MAPKAPK5: variants seen among roughly 807,000 people sequenced by gnomAD.
The protein encoded by MAPKAPK5 is MAPK activated protein kinase 5, also known as MAP kinase-activated protein kinase 5.
Under a neutral mutation model 65.1 loss-of-function variants are expected in MAPKAPK5, and 30 were observed. The observed-to-expected ratio is 0.46, with a 90% CI of 0.34 to 0.63. The LOEUF (loss-of-function observed/expected upper bound fraction) is 0.63. MAPKAPK5 is among the 20% of genes least tolerant of loss of function. The pLI is 0.01. For synonymous variants in MAPKAPK5, 179 were observed against 204.6 expected (o/e 0.87, Z 1.07); for missense variants, 433 against 581.4 (o/e 0.74, Z 2.63).
intron 7 of MAPKAPK5, among the ~76,000 whole-genome samples, chr12:111,872,356 G>C (rs1279958304): frequency 6.6e-6 from 1 of 152,116 alleles, no homozygotes; most frequent in Admixed American, 6.5e-5. Context: ...TCACGACATT[G>C]TCCTGATGGC....
chr12:111,897,628 A>G lies in MAPKAPK5; in HGVS notation c.*4567A>G, dbSNP rs1375691078. On this transcript the variant is annotated 3_prime_UTR_variant, in exon 14 of 14. Coordinates refer to ENST00000550735, the MANE Select transcript of MAPKAPK5 (RefSeq NM_003668.4). ...AAGCTTTGCGCTTACATAAATCACA[A>G]GAAATACAGCTGGAAATCATTTCAC... 2.6e-5 allele frequency: 4 copies of G among 152,240 alleles called. No individual in the cohort carries two copies. Among genetic ancestry groups the G allele is most frequent in the Non-Finnish European group, 5.9e-5 (4 of 68,038 alleles). 9.4% of individuals were successfully genotyped at this position (152,240 alleles called of 1,614,324 possible). A position where few individuals can be genotyped will look rare whatever the true frequency, so the allele number is the denominator to read the frequency against.
intron 3 of MAPKAPK5, among the ~76,000 whole-genome samples, chr12:111,867,107 A>G (rs1350180216): frequency 6.6e-6 from 1 of 150,950 alleles, no homozygotes; most frequent in Non-Finnish European, 1.5e-5. Context: ...TTTTGTTTGT[A>G]TTTTTTGTAG....
chr12:111,844,517 G>A (rs1167582363), intron 1 of MAPKAPK5, among the ~76,000 whole-genome samples: 1 of 152,198 alleles, frequency 6.6e-6, no homozygotes, highest in Non-Finnish European at 1.5e-5. Context: ...TGGCACAGAG[G>A]CATGATATGC....
At chr12:111,881,427 C>CA (rs1439401228) in intron 8 of MAPKAPK5, among the ~76,000 whole-genome samples, 10 of 90,686 alleles carry the variant, frequency 1.1e-4, no homozygotes. Flanking sequence ...TTTTTTGAGA[C>CA]AGAGTCTTAC....
Position 111,858,958 on chromosome 12 carries a change from A to G in MAPKAPK5, c.37-6292A>G, listed in dbSNP as rs962126726. Among the ~76,000 whole-genome samples, 4 of 144,150 alleles carry G rather than the reference A, an allele frequency of 2.8e-5. 1 individual carries two copies. Among genetic ancestry groups the G allele is most frequent in the Non-Finnish European group, 6.1e-5 (4 of 65,950 alleles). 94.6% of individuals were successfully genotyped at this position (144,150 alleles called of 152,430 possible). On this transcript the variant is annotated intron_variant, in intron 1 of 13. Coordinates refer to ENST00000550735, the MANE Select transcript of MAPKAPK5 (RefSeq NM_003668.4). Reference sequence around the variant, plus strand: ...CGGCTGAAAATCTCTATTTATCATTATTTTTTACTTCGTCATCAGTTTTCT... The same window carrying G: ...CGGCTGAAAATCTCTATTTATCATTGTTTTTTACTTCGTCATCAGTTTTCT...
chr12:111,844,609 G>T (rs865893872), intron 1 of MAPKAPK5, among the ~76,000 whole-genome samples: 1 of 152,224 alleles, frequency 6.6e-6, no homozygotes. Flanking sequence ...GCCAGATGGT[G>T]TCCTAGACAC....
chr12:111,893,156 T>G lies in MAPKAPK5; in HGVS notation c.*95T>G. The G allele has an allele frequency of 1.1e-6, 1 of 878,338 alleles. No individual in the cohort carries two copies. 54.4% of individuals were successfully genotyped at this position (878,338 alleles called of 1,614,324 possible). On this transcript the variant is annotated 3_prime_UTR_variant, in exon 14 of 14. Coordinates refer to ENST00000550735, the MANE Select transcript of MAPKAPK5 (RefSeq NM_003668.4). Reference sequence around the variant, plus strand: ...TAAATTAATAAATCATAATTTCATTTCCACATTGATTAAAGCTGCTGTATA... The same window carrying G: ...TAAATTAATAAATCATAATTTCATTGCCACATTGATTAAAGCTGCTGTATA...
chr12:111,888,333 A>C, intron 10 of MAPKAPK5, 155 bp from the exon 11 acceptor site: 1 of 1,029,118 alleles, frequency 9.7e-7, no homozygotes. Context: ...TCCATGGGGA[A>C]AAGTCCTTTG....
At chr12:111,861,113 C>T (rs1050163870) in intron 1 of MAPKAPK5, among the ~76,000 whole-genome samples, 11 of 151,206 alleles carry the variant, frequency 7.3e-5, no homozygotes, top group Middle Eastern at 6.8e-3. Flanking sequence ...GCCGAGATCG[C>T]GCCACTGCAC....
chr12:111,900,750 TC>T lies in MAPKAPK5; in HGVS notation c.*7691del, dbSNP rs2071016865. On this transcript the variant is annotated 3_prime_UTR_variant, in exon 14 of 14. Coordinates refer to ENST00000550735, the MANE Select transcript of MAPKAPK5 (RefSeq NM_003668.4). ...ATATCCTTGCTGTCCTTCTAGTCGT[TC>T]CTGTGATCTCCCAGAATTTTGCAAT... The T allele has an allele frequency of 2.2e-6, 1 of 456,006 alleles. No homozygotes were observed. Among genetic ancestry groups the T allele is most frequent in the Non-Finnish European group, 4.4e-6 (1 of 226,808 alleles). The allele number at this position is 456,006 out of a possible 1,614,324, so 28.2% of individuals were successfully genotyped here. A position where few individuals can be genotyped will look rare whatever the true frequency, so the allele number is the denominator to read the frequency against.
At chr12:111,884,334 G>C (rs998570525) in intron 9 of MAPKAPK5, among the ~76,000 whole-genome samples, 1 of 152,118 alleles carries the variant, frequency 6.6e-6, no homozygotes, top group East Asian at 1.9e-4. Context: ...CCTCAGCCTC[G>C]GCAGTAGCTG....
intron 1 of MAPKAPK5, among the ~76,000 whole-genome samples, chr12:111,863,558 A>G (rs1235485863): frequency 6.6e-6 from 1 of 151,782 alleles, no homozygotes; most frequent in Admixed American, 6.6e-5. Context: ...TACATAGTCT[A>G]TCAGATTTTC....
intron 1 of MAPKAPK5, among the ~76,000 whole-genome samples, chr12:111,850,689 A>G (rs2069051771): frequency 6.6e-6 from 1 of 152,180 alleles, no homozygotes; most frequent in African/African-American, 2.4e-5. Context: ...CACAAAGGAC[A>G]TTTATGAGTA....
intron 7 of MAPKAPK5, among the ~76,000 whole-genome samples, chr12:111,877,179 G>GCCTCCCGAGTA (rs1355318054): frequency 8.1e-5 from 8 of 99,294 alleles, no homozygotes; most frequent in African/African-American, 8.9e-5. Context: ...CACCACGCCC[G>GCCTCCCGAGTA]GCTAATTTTT....
intron 7 of MAPKAPK5, among the ~76,000 whole-genome samples, chr12:111,874,851 T>TG (rs1566256943): frequency 1.3e-5 from 2 of 149,142 alleles, no homozygotes; most frequent in Non-Finnish European, 3.0e-5. Flanking sequence ...CTCGGCTCAC[T>TG]GCAATCTCCG....
chr12:111,865,846 A>G (rs1210871082), intron 2 of MAPKAPK5, among the ~76,000 whole-genome samples: 2 of 151,446 alleles, frequency 1.3e-5, no homozygotes, highest in African/African-American at 4.9e-5. Context: ...AAAAAAAAAA[A>G]AAAAAAAAAA....
chr12:111,851,575 C>G (rs770885446), intron 1 of MAPKAPK5, among the ~76,000 whole-genome samples: 7 of 152,174 alleles, frequency 4.6e-5, no homozygotes, highest in African/African-American at 1.7e-4. Context: ...ATCTGCCTGC[C>G]TCAGCCTCCC....
rs2070734800 is a variant in MAPKAPK5, at chr12:111,894,752, C to T, written c.*1691C>T. 1 of 132,044 alleles carries T rather than the reference C, an allele frequency of 7.6e-6. No homozygotes were observed. The allele number at this position is 132,044 out of a possible 1,614,324, so 8.2% of individuals were successfully genotyped here. Reference sequence around the variant, plus strand: ...GTGAGTATGGGTTTCCATAACAAACCAATTTTCGTGTATATGTGTGTGTGT... The same window carrying T: ...GTGAGTATGGGTTTCCATAACAAACTAATTTTCGTGTATATGTGTGTGTGT... On this transcript the variant is annotated 3_prime_UTR_variant, in exon 14 of 14. Transcript: ENST00000550735.
chr12:111,873,951 C>G (rs981995890), intron 7 of MAPKAPK5, among the ~76,000 whole-genome samples: 1 of 152,172 alleles, frequency 6.6e-6, no homozygotes, highest in African/African-American at 2.4e-5. Flanking sequence ...ATAAGTCTCC[C>G]AATCGATGAA....
Sources: allele counts gnomAD v4.1 joint callset (sites outside exome capture counted in the v4.1 genomes callset), GRCh38; gene constraint gnomAD v4.1.1; transcripts MANE v1.5; gene names NCBI Gene and HGNC (gene_info 2026-07-23, HGNC 2026-07-21).